VIPR1: variants seen among roughly 807,000 people sequenced by gnomAD.
VIPR1 encodes the protein vasoactive intestinal polypeptide receptor 1.
A neutral mutation model predicts 58.8 loss-of-function variants in VIPR1; 59 were observed. The ratio of observed to expected loss-of-function variants is 1.00; its 90% confidence interval spans 0.81 to 1.25. The LOEUF (loss-of-function observed/expected upper bound fraction) is 1.25. VIPR1 is among the 50% of genes most tolerant of loss of function. The pLI is 0.00. For synonymous variants in VIPR1, 251 were observed against 242.1 expected (o/e 1.04, Z -0.34); for missense variants, 626 against 602.7 (o/e 1.04, Z -0.40).
chr3:42,492,740 C>T (rs1278878353), intron 1 of VIPR1, among the ~76,000 whole-genome samples: 2 of 152,186 alleles, frequency 1.3e-5, no homozygotes, highest in Non-Finnish European at 2.9e-5. Flanking sequence ...GAAGGACTTC[C>T]CTGGGATTCC....
intron 2 of VIPR1, among the ~76,000 whole-genome samples, chr3:42,514,205 G>A (rs778972145): frequency 5.9e-5 from 9 of 152,176 alleles, no homozygotes; most frequent in Admixed American, 2.0e-4. Context: ...ATGTGGTGGG[G>A]GATCTGTGAC....
At chr3:42,498,902 C>T (rs1699816440), upstream of VIPR1, among the ~76,000 whole-genome samples, 1 of 152,156 alleles carries the variant, frequency 6.6e-6, no homozygotes, top group Admixed American at 6.5e-5. Flanking sequence ...AATGCCTGCC[C>T]AGGCCTCTCC....
intron 4 of VIPR1, 76 bp from the exon 5 acceptor site, chr3:42,527,317 A>T: frequency 7.3e-7 from 1 of 1,369,566 alleles, no homozygotes; most frequent in Non-Finnish European, 1.0e-6. Context: ...TGTGTAGGGC[A>T]CCCCACCCCT....
At chr3:42,522,044 T>C (rs113981256) in intron 3 of VIPR1, among the ~76,000 whole-genome samples, 11,923 of 140,368 alleles carry the variant, frequency 0.085, 549 homozygotes, top group South Asian at 0.1. Flanking sequence ...CTTTAATCTG[T>C]AGTCTGCATA....
chr3:42,510,494 A>G (rs907655411), intron 1 of VIPR1, among the ~76,000 whole-genome samples: 24 of 152,172 alleles, frequency 1.6e-4, no homozygotes, highest in Non-Finnish European at 3.1e-4. Context: ...TGAATTCCTT[A>G]GTGATAAGGA....
chr3:42,534,907 T>A (rs748883914), intron 10 of VIPR1, 68 bp from the exon 11 acceptor site: 1 of 1,580,712 alleles, frequency 6.3e-7, no homozygotes, highest in Non-Finnish European at 8.6e-7. Context: ...GCTGCCCCCA[T>A]GCCACACCCT....
upstream of VIPR1, among the ~76,000 whole-genome samples, chr3:42,499,230 C>A (rs954010712): frequency 7.0e-5 from 3 of 42,646 alleles, no homozygotes; most frequent in East Asian, 7.1e-4. Flanking sequence ...ACTCTGTGGC[C>A]CCCCCAGCCC....
At position 42,502,783 on chromosome 3, in the gene VIPR1, A is replaced by G. The variant is rs1699926817; in HGVS notation, c.48A>G (p.Ala16=). ...CCGCCCGCTGGCTATGCGTGCTGGCAGGCGCCCTCGCCTGGGCCCTTGGGC... is the reference window on the plus strand; with the variant it reads ...CCGCCCGCTGGCTATGCGTGCTGGCGGGCGCCCTCGCCTGGGCCCTTGGGC... ...PLPARWLCVL[A]GALAWALGPA... The change falls in exon 1 of 13, where the codon GCA becomes GCG. Residue 16 remains alanine (A), a synonymous_variant. Coordinates refer to ENST00000325123, the MANE Select transcript of VIPR1 (RefSeq NM_004624.4). 7.8e-7 allele frequency: 1 copy of G among 1,287,794 alleles called. No individual in the cohort carries two copies. The highest frequency in any genetic ancestry group is 2.5e-5 in the South Asian group (1 of 40,402). The allele number at this position is 1,287,794 out of a possible 1,614,324, so 79.8% of individuals were successfully genotyped here.
At chr3:42,529,491 T>C (rs1701412700) in intron 6 of VIPR1, 2 of 147,132 alleles carry the variant, frequency 1.4e-5, no homozygotes, top group Non-Finnish European at 3.0e-5. Flanking sequence ...AAAAGAGTTA[T>C]TCTCCAAAAG....
chr3:42,526,440 TC>T (rs1418672621), intron 4 of VIPR1, among the ~76,000 whole-genome samples: 4 of 152,116 alleles, frequency 2.6e-5, no homozygotes, highest in African/African-American at 9.7e-5. Context: ...ACAGATATCT[TC>T]CCCGGAGCAG....
Position 42,532,426 on chromosome 3 carries a change from T to G in VIPR1, c.1010+93T>G, listed in dbSNP as rs904002054. On this transcript the variant is annotated intron_variant, in intron 10 of 12. Transcript: ENST00000325123. ...CCTTGAAGTCCTCCCACCCCAAACA[T>G]CCAGAGTCACCAAAGAGCCACATTG... The G allele has an allele frequency of 1.7e-5, 23 of 1,319,884 alleles. No homozygotes were observed. In the East Asian group the frequency reaches 5.3e-4, roughly 31 times the overall value. 81.8% of individuals were successfully genotyped at this position (1,319,884 alleles called of 1,614,324 possible).
chr3:42,510,519 C>T (rs1196769203), intron 1 of VIPR1, among the ~76,000 whole-genome samples: 1 of 152,112 alleles, frequency 6.6e-6, no homozygotes, highest in Non-Finnish European at 1.5e-5. Flanking sequence ...AGGGAGCTGC[C>T]CTGGCCCGGT....
At chr3:42,531,230 G>A (rs1242322766) in intron 7 of VIPR1, 2 of 613,828 alleles carry the variant, frequency 3.3e-6, no homozygotes, top group Non-Finnish European at 2.9e-6. Context: ...AAGGGCCTCT[G>A]TCACAATTAG....
chr3:42,525,761 C>A, intron 3 of VIPR1, 126 bp from the exon 4 acceptor site: 1 of 1,033,124 alleles, frequency 9.7e-7, no homozygotes, highest in Non-Finnish European at 1.4e-6. Context: ...GTCAGGGCAG[C>A]TGGAACCTGA....
At chr3:42,530,615 A>G (rs956039411) in intron 6 of VIPR1, 164 bp from the exon 7 acceptor site, 2 of 787,818 alleles carry the variant, frequency 2.5e-6, no homozygotes, top group Non-Finnish European at 3.9e-6. Flanking sequence ...AAAATTAGGG[A>G]AAATGGGAAA....
intron 1 of VIPR1, among the ~76,000 whole-genome samples, chr3:42,505,993 G>A (rs1000884043): frequency 1.3e-5 from 2 of 152,216 alleles, no homozygotes; most frequent in African/African-American, 4.8e-5. Context: ...AGGAGGTAAA[G>A]GTTGTGAAGG....
intron 2 of VIPR1, among the ~76,000 whole-genome samples, chr3:42,515,019 C>G (rs1425154296): frequency 6.6e-6 from 1 of 152,204 alleles, no homozygotes; most frequent in Non-Finnish European, 1.5e-5. Flanking sequence ...GCCAGGGACA[C>G]CAGCCTGGCA....
chr3:42,521,932 G>A (rs1464804011), intron 3 of VIPR1, among the ~76,000 whole-genome samples: 2 of 150,450 alleles, frequency 1.3e-5, no homozygotes, highest in South Asian at 2.1e-4. Context: ...ATTTTTAGTA[G>A]AGACAGGGTT....
At chr3:42,503,077 C>G (rs550434629) in intron 1 of VIPR1, among the ~76,000 whole-genome samples, 1 of 152,094 alleles carries the variant, frequency 6.6e-6, no homozygotes, top group South Asian at 2.1e-4. Context: ...AAGAGTGGGC[C>G]CCAGACTTGC....
Sources: allele counts gnomAD v4.1 joint callset (sites outside exome capture counted in the v4.1 genomes callset), GRCh38; gene constraint gnomAD v4.1.1; transcripts MANE v1.5; gene names NCBI Gene and HGNC (gene_info 2026-07-23, HGNC 2026-07-21).